The following STRN3 variants were observed in gnomAD, a reference collection of about 807,000 sequenced individuals.
The protein encoded by STRN3 is striatin-3.
In STRN3, 29 loss-of-function variants were observed where a neutral mutation model predicts 95.6. That is an observed-to-expected ratio of 0.30 (90% CI 0.23 to 0.41). The LOEUF (loss-of-function observed/expected upper bound fraction) is 0.41. Ranked by LOEUF, STRN3 falls within the 10% of genes least tolerant of loss-of-function variation. The pLI, the probability that STRN3 is intolerant of heterozygous loss-of-function variation, is 1.00. For synonymous variants in STRN3, 331 were observed against 357.6 expected, an observed-to-expected ratio of 0.93 and a Z score of 0.84; for missense variants, 890 against 972.1, an observed-to-expected ratio of 0.92 and a Z score of 1.12.
At chr14:30,984,146 C>CA (rs1042096097) in intron 1 of STRN3, among the ~76,000 whole-genome samples, 5 of 137,424 alleles carry the variant, frequency 3.6e-5, no homozygotes, top group African/African-American at 5.3e-5. Context: ...AACCCCCCCC[C>CA]ACACACAAAG....
intron 5 of STRN3, among the ~76,000 whole-genome samples, chr14:30,945,423 G>C (rs1298378255): frequency 1.3e-5 from 2 of 152,082 alleles, no homozygotes; most frequent in African/African-American, 4.8e-5. Flanking sequence ...TTCAAGACCT[G>C]GGCAACATAG....
At chr14:30,988,461 T>C (rs1179185168) in intron 1 of STRN3, among the ~76,000 whole-genome samples, 1 of 152,156 alleles carries the variant, frequency 6.6e-6, no homozygotes, top group Non-Finnish European at 1.5e-5. Flanking sequence ...TCAACGAACA[T>C]ATACAATACA....
chr14:30,934,069 T>C (rs1211847273), intron 7 of STRN3, among the ~76,000 whole-genome samples: 1 of 152,174 alleles, frequency 6.6e-6, no homozygotes, highest in African/African-American at 2.4e-5. Flanking sequence ...TTCATGCCTG[T>C]AATCCCAGTA....
chr14:30,895,920 T>G (rs557742042), intron 16 of STRN3, among the ~76,000 whole-genome samples, 172 bp from the exon 17 acceptor site: 2 of 152,352 alleles, frequency 1.3e-5, no homozygotes, highest in African/African-American at 4.8e-5. Flanking sequence ...CACAATCCTG[T>G]GTCTTTTAGA....
chr14:30,894,849 T>C lies in STRN3; in HGVS notation c.*562A>G. 2 of 565,802 alleles carry C rather than the reference T, an allele frequency of 3.5e-6. No homozygotes were observed. The highest frequency in any genetic ancestry group is 5.1e-6 in the Non-Finnish European group (2 of 391,920). 35.0% of individuals were successfully genotyped at this position (565,802 alleles called of 1,614,324 possible). A position where few individuals can be genotyped will look rare whatever the true frequency, so the allele number is the denominator to read the frequency against. On this transcript the variant is annotated 3_prime_UTR_variant, in exon 18 of 18. Transcript: ENST00000357479. ...AAAACTAGAATTTTATCCAAACATT[T>C]TGTGCAACTAATGCTAAAATATTTT...
intron 1 of STRN3, among the ~76,000 whole-genome samples, chr14:30,977,766 C>T (rs528830907): frequency 2.9e-5 from 4 of 137,560 alleles, no homozygotes; most frequent in African/African-American, 5.6e-5. Flanking sequence ...TGCTCTCCAG[C>T]CAGGCAAACA....
intron 1 of STRN3, among the ~76,000 whole-genome samples, chr14:30,965,430 T>C (rs1354193706): frequency 6.6e-6 from 1 of 151,950 alleles, no homozygotes; most frequent in Non-Finnish European, 1.5e-5. Flanking sequence ...TTTATGTCTG[T>C]AATCCCAGCA....
At chr14:30,985,249 A>C (rs1415735535) in intron 1 of STRN3, among the ~76,000 whole-genome samples, 1 of 150,366 alleles carries the variant, frequency 6.7e-6, no homozygotes, top group Non-Finnish European at 1.5e-5. Context: ...CAGAGGTTGC[A>C]GTGAGCCACG....
chr14:30,993,251 T>C (rs1213328313), intron 1 of STRN3, among the ~76,000 whole-genome samples: 4 of 77,244 alleles, frequency 5.2e-5, no homozygotes, highest in Non-Finnish European at 9.5e-5. Flanking sequence ...TGAGACACTG[T>C]CTCAAAAAAA....
intron 7 of STRN3, among the ~76,000 whole-genome samples, chr14:30,929,577 AGACT>A (rs1267005576): frequency 6.6e-6 from 1 of 152,146 alleles, no homozygotes; most frequent in Admixed American, 6.5e-5. Flanking sequence ...TTCATTCAAT[AGACT>A]GACATTAGAA....
chr14:30,992,395 ACT>A lies in STRN3; in HGVS notation c.282+33507_282+33508del, dbSNP rs558759006. ...CACTCCAGCCTGGAGACAGAGCAAG[ACT>A]CTGTCTCAAAAAAAAAAAAGAAAAG... On this transcript the variant is annotated intron_variant, in intron 1 of 17. Transcript: ENST00000357479. 8.6e-5 allele frequency among the ~76,000 whole-genome samples: 13 copies of A among 150,628 alleles called. No homozygotes were observed. In the East Asian group the frequency reaches 2.3e-3, roughly 27 times the overall value.
chr14:30,921,290 CAT>C lies in STRN3; in HGVS notation c.1100-2186_1100-2185del, dbSNP rs560643992. On this transcript the variant is annotated intron_variant, in intron 8 of 17. Coordinates refer to ENST00000357479, the MANE Select transcript of STRN3 (RefSeq NM_001083893.2). ...TAATTATATGATAGTTAATGTGAAA[CAT>C]AATAAAGGCTTGACAAAGTTTTGTT... Among the ~76,000 whole-genome samples the C allele has an allele frequency of 1.4e-4, 22 of 152,194 alleles. No homozygotes were observed. The East Asian group carries it at 3.7e-3, about 25-fold the overall frequency.
intron 1 of STRN3, among the ~76,000 whole-genome samples, chr14:30,964,978 T>G (rs1276391978): frequency 1.3e-5 from 2 of 152,056 alleles, no homozygotes; most frequent in East Asian, 3.9e-4. Flanking sequence ...GGTCTTTGTC[T>G]TGTTGCAGGA....
At chr14:30,965,399 A>G (rs1200526454) in intron 1 of STRN3, among the ~76,000 whole-genome samples, 1 of 152,084 alleles carries the variant, frequency 6.6e-6, no homozygotes, top group East Asian at 1.9e-4. Flanking sequence ...TTGGCTCCTT[A>G]AGTGCATGGG....
intron 1 of STRN3, among the ~76,000 whole-genome samples, chr14:31,012,753 G>A (rs367799440): frequency 6.6e-6 from 1 of 152,186 alleles, no homozygotes; most frequent in East Asian, 1.9e-4. Context: ...AATGAGATGG[G>A]TGTGGTGGTG....
intron 8 of STRN3, among the ~76,000 whole-genome samples, chr14:30,925,915 G>T (rs1283596927): frequency 6.6e-6 from 1 of 151,838 alleles, no homozygotes; most frequent in South Asian, 2.1e-4. Context: ...ACATGGACTA[G>T]ATAAAAATGC....
At chr14:30,950,186 A>T (rs554671471) in intron 4 of STRN3, among the ~76,000 whole-genome samples, 1 of 152,312 alleles carries the variant, frequency 6.6e-6, no homozygotes, top group Admixed American at 6.5e-5. Context: ...GTAAAGTCAG[A>T]GGGCAAATAA....
chr14:31,019,886 CT>C lies in STRN3; in HGVS notation c.282+6017del, dbSNP rs67956918. On this transcript the variant is annotated intron_variant, in intron 1 of 17. Coordinates refer to ENST00000357479, the MANE Select transcript of STRN3 (RefSeq NM_001083893.2). ...CATTATAGTCCAGTTCACTCATTTT[CT>C]TTTTTTTTTTTTTCTTTTTTAGATA... Among the ~76,000 whole-genome samples, 785 of 143,046 alleles carry C rather than the reference CT, an allele frequency of 5.5e-3. 2 individuals carry two copies. Among genetic ancestry groups the C allele is most frequent in the African/African-American group, 0.018 (712 of 38,740 alleles). 93.8% of individuals were successfully genotyped at this position (143,046 alleles called of 152,430 possible). A position where few individuals can be genotyped will look rare whatever the true frequency, so the allele number is the denominator to read the frequency against.
intron 1 of STRN3, chr14:31,025,322 G>C (rs1883759143): frequency 6.4e-6 from 1 of 155,346 alleles, no homozygotes; most frequent in Non-Finnish European, 1.4e-5. Context: ...TAAAGTTGAC[G>C]ATGGGAAATA....
Sources: allele counts gnomAD v4.1 joint callset (sites outside exome capture counted in the v4.1 genomes callset), GRCh38; gene constraint gnomAD v4.1.1; transcripts MANE v1.5; gene names NCBI Gene and HGNC (gene_info 2026-07-23, HGNC 2026-07-21).